Variants in NDOR1 observed in about 807,000 individuals in gnomAD.
NDOR1 encodes NADPH-dependent diflavin oxidoreductase 1.
In NDOR1, 61 loss-of-function variants were observed where a neutral mutation model predicts 67.2. The ratio of observed to expected loss-of-function variants is 0.91; its 90% confidence interval spans 0.74 to 1.12. NDOR1 has a LOEUF of 1.12. Among genes scored for constraint, NDOR1 ranks in the 50% most tolerant of loss-of-function variants. The pLI is 0.00. For synonymous variants in NDOR1, 378 were observed against 343.7 expected, an observed-to-expected ratio of 1.10 and a Z score of -1.10; for missense variants, 878 against 802.8, an observed-to-expected ratio of 1.09 and a Z score of -1.13.
At position 137,206,459 on chromosome 9, in the gene NDOR1, G is replaced by C. The variant is rs1834971195; in HGVS notation, c.213+150G>C. The C allele has an allele frequency of 6.1e-6, 5 of 813,144 alleles. No homozygotes were observed. The South Asian group carries it at 7.7e-5, about 12-fold the overall frequency. 50.4% of individuals were successfully genotyped at this position (813,144 alleles called of 1,614,324 possible). A position where few individuals can be genotyped will look rare whatever the true frequency, so the allele number is the denominator to read the frequency against. On this transcript the variant is annotated intron_variant, in intron 2 of 13. Coordinates refer to ENST00000684003, the MANE Select transcript of NDOR1 (RefSeq NM_014434.4). The stretch of plus-strand genomic sequence containing the variant: ...AGAGAACGTCCGTGAGTGGGGCTGG[G>C]GGCTCCGGTTGCCCTCTCTAATAAA...
At chr9:137,207,585 G>A (rs576954552) in intron 2 of NDOR1, among the ~76,000 whole-genome samples, 1 of 152,286 alleles carries the variant, frequency 6.6e-6, no homozygotes, top group African/African-American at 2.4e-5. Flanking sequence ...GAGCCCAGGA[G>A]GGCAGGAGAG....
At position 137,214,995 on chromosome 9, in the gene NDOR1, C is replaced by T. The variant is rs752867139; in HGVS notation, c.1042C>T (p.Arg348Trp). The change falls in exon 8 of 14, where the codon CGG (arginine) becomes TGG (tryptophan). Residue 348 changes from arginine to tryptophan, a missense_variant. Arg to Trp is a moderately radical substitution (Grantham distance 101). Transcript: ENST00000684003. ...GQEELFEYCN[R>W]PRRTILEVLC... Reference sequence around the variant, plus strand: ...GGAGGAGCTCTTTGAATACTGCAACCGGCCCCGCAGGACCATCCTGGAGGT... The same window carrying T: ...GGAGGAGCTCTTTGAATACTGCAACTGGCCCCGCAGGACCATCCTGGAGGT... The T allele has an allele frequency of 7.4e-6, 12 of 1,613,084 alleles. No individual in the cohort carries two copies. The highest frequency in any genetic ancestry group is 4.5e-5 in the East Asian group (2 of 44,868).
rs202019549 is a variant in NDOR1 at position 137,216,105 on chromosome 9, A to C, written c.1566A>C (p.Val522=). The C allele has an allele frequency of 1.2e-6, 2 of 1,613,384 alleles. No homozygotes were observed. Among genetic ancestry groups the C allele is most frequent in the African/African-American group, 2.7e-5 (2 of 74,926 alleles). ...PAFSREQEQK[V]YVQHRLRELG... Reference sequence around the variant, plus strand: ...TCTCTGCCCTACAGGAGCAGAAAGTATATGTGCAGCACCGGCTCCGGGAGC... The same window carrying C: ...TCTCTGCCCTACAGGAGCAGAAAGTCTATGTGCAGCACCGGCTCCGGGAGC... The change falls in exon 13 of 14, where the codon GTA becomes GTC. Residue 522 remains valine (V), a synonymous_variant. Coordinates refer to ENST00000684003, the MANE Select transcript of NDOR1 (RefSeq NM_014434.4).
Position 137,216,405 on chromosome 9 carries a change from A to G in NDOR1, c.1783A>G (p.Thr595Ala). ...LQQTRRFQTETWA is the reference protein window; with the variant it reads ...LQQTRRFQTEAWA ...GCAGACACGGCGCTTCCAGACAGAG[A>G]CGTGGGCCTGAGGCCCGCGGCTGCC... The change falls in exon 14 of 14, where the codon ACG becomes GCG. Residue 595 changes from threonine (T) to alanine (A), a missense_variant. Thr to Ala is a moderately conservative substitution (Grantham distance 58). Coordinates refer to ENST00000684003, the MANE Select transcript of NDOR1 (RefSeq NM_014434.4). 6.2e-7 allele frequency: 1 copy of G among 1,603,878 alleles called. No homozygotes were observed. Among genetic ancestry groups the G allele is most frequent in the African/African-American group, 1.3e-5 (1 of 75,018 alleles).
chr9:137,216,273 A>G lies in NDOR1; in HGVS notation c.1651A>G (p.Asn551Asp). ...RQGAYFYLAGNAKSMPADVSE... is the reference protein window; with the variant it reads ...RQGAYFYLAGDAKSMPADVSE... ...GCCTTCTGCGACCTGCCCCTCTAGC[A>G]ACGCCAAGTCCATGCCAGCGGACGT... Residue 551 changes from asparagine (N) to aspartate (D), a missense_variant and splice_region_variant, in exon 14 of 14, where the codon AAC becomes GAC. By Grantham distance (23) the Asn-to-Asp change is conservative (BLOSUM62 1). Transcript: ENST00000684003. 2 of 1,613,100 alleles carry G rather than the reference A, an allele frequency of 1.2e-6. No individual in the cohort carries two copies. Among genetic ancestry groups the G allele is most frequent in the Non-Finnish European group, 1.7e-6 (2 of 1,179,962 alleles).
chr9:137,214,749 C>T (rs771189542), intron 7 of NDOR1, 49 bp from the exon 8 acceptor site: 4 of 1,596,458 alleles, frequency 2.5e-6, no homozygotes, highest in Non-Finnish European at 3.4e-6. Context: ...TGGGCCCCCA[C>T]CCCAAGGGCT....
Position 137,209,681 on chromosome 9 carries a change from C to T in NDOR1, c.214-2821C>T, listed in dbSNP as rs551295170. ...TCCATCCACAGCGAAACAGGAAGAC[C>T]CTGGCTCCTTGCTGAGGATGCTGTA... On this transcript the variant is annotated intron_variant, in intron 2 of 13. Coordinates refer to ENST00000684003, the MANE Select transcript of NDOR1 (RefSeq NM_014434.4). Among the ~76,000 whole-genome samples, 7 of 152,306 alleles carry T rather than the reference C, an allele frequency of 4.6e-5. No homozygotes were observed. The South Asian group carries it at 1.5e-3, about 32-fold the overall frequency.
intron 3 of NDOR1, among the ~76,000 whole-genome samples, chr9:137,213,129 C>CA (rs1408729863): frequency 6.6e-6 from 1 of 151,666 alleles, no homozygotes; most frequent in African/African-American, 2.4e-5. Flanking sequence ...AGCCAGGTGT[C>CA]AGTCATTTCA....
Position 137,212,763 on chromosome 9 carries a change from G to A in NDOR1, c.311+164G>A. ...ACAACGCTCCCTGGTGGGCACCCCA[G>A]GCTTCACGCTGCGGGGAGGGCACAG... is the stretch of plus-strand genomic sequence containing the variant. On this transcript the variant is annotated intron_variant, in intron 3 of 13. Transcript: ENST00000684003. This position sits in a 1 kb window ranked among gnomAD's most constrained non-coding sequence, Gnocchi z 4.3. 1.5e-6 allele frequency: 1 copy of A among 647,958 alleles called. No homozygotes were observed. Among genetic ancestry groups the A allele is most frequent in the South Asian group, 1.8e-5 (1 of 55,210 alleles). 40.1% of individuals were successfully genotyped at this position (647,958 alleles called of 1,614,324 possible). A position where few individuals can be genotyped will look rare whatever the true frequency, so the allele number is the denominator to read the frequency against.
At position 137,216,378 on chromosome 9, in the gene NDOR1, C is replaced by A; in HGVS notation, c.1756C>A (p.Gln586Lys). The change falls in exon 14 of 14, where the codon CAG becomes AAG. Residue 586 changes from glutamine (Q) to lysine (K), a missense_variant. Physicochemically the swap from Gln to Lys is moderately conservative, Grantham distance 53. Coordinates refer to ENST00000684003, the MANE Select transcript of NDOR1 (RefSeq NM_014434.4). ...CGCAGCCGCGTATCTAGCCAGGCTC[C>A]AGCAGACACGGCGCTTCCAGACAGA... Reference protein sequence around the residue: ...PDAAAYLARLQQTRRFQTETW... With the variant: ...PDAAAYLARLKQTRRFQTETW... 1 of 1,607,376 alleles carries A rather than the reference C, an allele frequency of 6.2e-7. No individual in the cohort carries two copies. The highest frequency in any genetic ancestry group is 1.3e-5 in the African/African-American group (1 of 75,044).
Position 137,214,794 on chromosome 9 carries a change from G to A in NDOR1, c.845-4G>A, listed in dbSNP as rs566842305. On this transcript the variant is annotated splice_region_variant and splice_polypyrimidine_tract_variant and intron_variant, in intron 7 of 13. Coordinates refer to ENST00000684003, the MANE Select transcript of NDOR1 (RefSeq NM_014434.4). ...CCCACGGAGGCCTCCCACTCACCCT[G>A]CAGATGTCTCCTCCCCCACGAGGCT... The A allele has an allele frequency of 3.1e-6, 5 of 1,601,226 alleles. No individual in the cohort carries two copies. In the South Asian group the frequency reaches 4.4e-5, roughly 14 times the overall value.
chr9:137,210,777 G>A (rs1835215993), intron 2 of NDOR1, among the ~76,000 whole-genome samples: 1 of 152,096 alleles, frequency 6.6e-6, no homozygotes, highest in Admixed American at 6.5e-5. Flanking sequence ...AGCCCAGAAG[G>A]TCAAGGCTGC....
chr9:137,213,050 G>A (rs949829374), intron 3 of NDOR1, among the ~76,000 whole-genome samples: 2 of 152,298 alleles, frequency 1.3e-5, no homozygotes, highest in African/African-American at 4.8e-5. Flanking sequence ...ACCCCACAAC[G>A]GTGAAAACCC....
chr9:137,215,861 C>G (rs768475087), intron 11 of NDOR1, 38 bp from the exon 12 acceptor site: 4 of 1,611,954 alleles, frequency 2.5e-6, no homozygotes, highest in Non-Finnish European at 2.5e-6. Flanking sequence ...AGCTGAACCT[C>G]AAGGACCTGT....
chr9:137,214,551 G>C lies in NDOR1; in HGVS notation c.723-19G>C. 1.2e-6 allele frequency: 2 copies of C among 1,610,978 alleles called. No individual in the cohort carries two copies. The highest frequency in any genetic ancestry group is 1.7e-6 in the Non-Finnish European group (2 of 1,179,904). ...CTCCCTGCGGCGTCCCCACAGCCCT[G>C]GTGGCTTCTTCCACACAGCTTTGCT... On this transcript the variant is annotated intron_variant, in intron 6 of 13. Transcript: ENST00000684003.
rs1392596808 is a variant in NDOR1 at position 137,217,574 on chromosome 9, T to C, written c.*1158T>C. On this transcript the variant is annotated 3_prime_UTR_variant, in exon 14 of 14. Coordinates refer to ENST00000684003, the MANE Select transcript of NDOR1 (RefSeq NM_014434.4). ...GGACTAAACATGGCTGAGGCTGGGC[T>C]CCAGCCAGATCTGGCTGGGGACAGC... 4 of 168,770 alleles carry C rather than the reference T, an allele frequency of 2.4e-5. No homozygotes were observed. The highest frequency in any genetic ancestry group is 5.0e-5 in the Non-Finnish European group (4 of 79,910). 10.5% of individuals were successfully genotyped at this position (168,770 alleles called of 1,614,324 possible).
rs953279040 is a variant in NDOR1, at chr9:137,209,461, G to T, written c.214-3041G>T. 3.3e-5 allele frequency among the ~76,000 whole-genome samples: 5 copies of T among 152,194 alleles called. No individual in the cohort carries two copies. The South Asian group carries it at 1.0e-3, about 32-fold the overall frequency. On this transcript the variant is annotated intron_variant, in intron 2 of 13. Coordinates refer to ENST00000684003, the MANE Select transcript of NDOR1 (RefSeq NM_014434.4). ...GGCAGGAAGCTGGTGCTAATGCCGG[G>T]ATTCAGGTCAACGAGGAAACGAAGA...
chr9:137,206,253 C>G lies in NDOR1; in HGVS notation c.157C>G (p.Leu53Val). 1 of 1,614,002 alleles carries G rather than the reference C, an allele frequency of 6.2e-7. No homozygotes were observed. Among genetic ancestry groups the G allele is most frequent in the Non-Finnish European group, 8.5e-7 (1 of 1,179,992 alleles). The part of the protein sequence containing the change: ...YPVVNLINEP[L>V]VIFVCATTGQ... ...TGAGGTGAATCTGATTAACGAGCCCCTGGTGATATTTGTTTGTGCAACTAC... is the reference window on the plus strand; with the variant it reads ...TGAGGTGAATCTGATTAACGAGCCCGTGGTGATATTTGTTTGTGCAACTAC... Residue 53 changes from leucine to valine, a missense_variant, in exon 2 of 14, where the codon CTG becomes GTG. Physicochemically the swap from Leu to Val is conservative, Grantham distance 32. Coordinates refer to ENST00000684003, the MANE Select transcript of NDOR1 (RefSeq NM_014434.4).
rs761915946 is a variant in NDOR1, at chr9:137,206,291, C to T, written c.195C>T (p.Asp65=). 2 of 1,613,792 alleles carry T rather than the reference C, an allele frequency of 1.2e-6. No individual in the cohort carries two copies. The highest frequency in any genetic ancestry group is 8.5e-7 in the Non-Finnish European group (1 of 1,179,946). The change falls in exon 2 of 14, where the codon GAC becomes GAT. Residue 65 remains aspartate, a synonymous_variant. Coordinates refer to ENST00000684003, the MANE Select transcript of NDOR1 (RefSeq NM_014434.4). ...IFVCATTGQG[D]PPDNMKNFWR... ...TTTGTGCAACTACAGGCCAAGGAGA[C>T]CCCCCTGACAACATGAAGGTAAGGC...
Sources: gnomAD v4.1 joint callset for allele counts (sites outside exome capture counted in the v4.1 genomes callset) on GRCh38, gnomAD v4.1.1 for gene constraint, Gnocchi (gnomAD v3.1) non-coding constraint, MANE v1.5 for transcripts, NCBI Gene and HGNC (gene_info 2026-07-23, HGNC 2026-07-21) for gene names.